LAMA2: variants seen among roughly 807,000 people sequenced by gnomAD.
LAMA2 encodes laminin subunit alpha 2.
LAMA2 carries 269 observed loss-of-function variants against 364.8 expected under a neutral mutation model. That is an observed-to-expected ratio of 0.74 (90% CI 0.67 to 0.82). The LOEUF (loss-of-function observed/expected upper bound fraction) is 0.82. Ranked by LOEUF, LAMA2 falls within the 40% of genes least tolerant of loss-of-function variation. The probability of loss-of-function intolerance (pLI) is 0.00; values close to 1 mark genes in which losing one functional copy is unlikely to be tolerated. For missense variants in LAMA2, 3,807 were observed against 3,873.2 expected, an observed-to-expected ratio of 0.98 and a Z score of 0.45; for synonymous variants, 1,379 against 1,370.6, an observed-to-expected ratio of 1.01 and a Z score of -0.14.
chr6:129,120,814 G>A (rs1396135861), intron 4 of LAMA2, among the ~76,000 whole-genome samples: 1 of 151,230 alleles, frequency 6.6e-6, no homozygotes, highest in Non-Finnish European at 1.5e-5. Flanking sequence ...CTCTGACATG[G>A]AACAAAGGCA....
Position 129,149,034 on chromosome 6 carries a change from G to A in LAMA2, c.965G>A (p.Cys322Tyr). The change falls in exon 7 of 65, where the codon TGT (cysteine) becomes TAT (tyrosine). Residue 322 changes from cysteine to tyrosine, a missense_variant. Around this residue, in one of 3 missense-constraint regions of LAMA2, gnomAD observed 80 missense variants for 124.0 expected, o/e 0.65. Coordinates refer to ENST00000421865, the MANE Select transcript of LAMA2 (RefSeq NM_000426.4). ...TGTGGCGATAGCTGTGATCAGTGCT[G>A]TCCAGGATTCCATCAGAAACCCTGG... ...NTCGDSCDQC[C>Y]PGFHQKPWRA... 6.2e-7 allele frequency: 1 copy of A among 1,613,468 alleles called. No individual in the cohort carries two copies. Among genetic ancestry groups the A allele is most frequent in the Non-Finnish European group, 8.5e-7 (1 of 1,179,504 alleles).
At chr6:129,021,175 A>G (rs184605556) in intron 1 of LAMA2, among the ~76,000 whole-genome samples, 44 of 152,294 alleles carry the variant, frequency 2.9e-4, no homozygotes, top group Non-Finnish European at 8.8e-5. Flanking sequence ...CTTTTGAGTC[A>G]CAGTTTATTT....
chr6:129,086,410 T>C (rs1236969518), intron 3 of LAMA2, among the ~76,000 whole-genome samples: 1 of 152,208 alleles, frequency 6.6e-6, no homozygotes, highest in African/African-American at 2.4e-5. Context: ...GCTAGCAACT[T>C]ATAACAGTTT....
At chr6:128,908,171 C>T (rs377089986) in intron 1 of LAMA2, among the ~76,000 whole-genome samples, 6 of 149,098 alleles carry the variant, frequency 4.0e-5, no homozygotes, top group Admixed American at 3.4e-4. Context: ...GGGAGGATTC[C>T]CTCTTTTTCT....
intron 8 of LAMA2, among the ~76,000 whole-genome samples, chr6:129,156,342 A>G (rs888846463): frequency 6.6e-6 from 1 of 151,962 alleles, no homozygotes; most frequent in African/African-American, 2.4e-5. Context: ...ATTTATTTCT[A>G]TCTTCTTTAT....
At chr6:129,173,858 T>C (rs970468337) in intron 9 of LAMA2, among the ~76,000 whole-genome samples, 1 of 152,176 alleles carries the variant, frequency 6.6e-6, no homozygotes, top group African/African-American at 2.4e-5. Flanking sequence ...GATGTATTTC[T>C]TCTCTGATTT....
chr6:129,177,725 TC>T lies in LAMA2; in HGVS notation c.1327del (p.His443IlefsTer9). 6.2e-7 allele frequency: 1 copy of T among 1,614,032 alleles called. No individual in the cohort carries two copies. Among genetic ancestry groups the T allele is most frequent in the Non-Finnish European group, 8.5e-7 (1 of 1,179,950 alleles). On this transcript the variant is annotated frameshift_variant, in exon 10 of 65. Transcript: ENST00000421865. LOFTEE classifies it high-confidence loss of function. ...ARRGLAPGSC[H>X]CKTGFGGVSC... is the part of the protein sequence containing the mutation. ...CTTTAGGTTTGGCACCTGGATCCTGTCATTGCAAAACTGGTTTTGGAGGTGT... is the reference window on the plus strand; with the variant it reads ...CTTTAGGTTTGGCACCTGGATCCTGTATTGCAAAACTGGTTTTGGAGGTGT...
At chr6:129,279,518 A>G (rs960457120) in intron 17 of LAMA2, among the ~76,000 whole-genome samples, 3 of 152,180 alleles carry the variant, frequency 2.0e-5, no homozygotes, top group Admixed American at 6.5e-5. Context: ...ATCTCTTCTG[A>G]AAGCTTTCCT....
intron 1 of LAMA2, among the ~76,000 whole-genome samples, chr6:129,044,114 C>T (rs190909221): frequency 2.0e-3 from 303 of 152,148 alleles, no homozygotes; most frequent in Non-Finnish European, 3.1e-3. Context: ...TCTAAGTATT[C>T]ATAGTCTTCC....
At chr6:128,904,556 G>A (rs973572735) in intron 1 of LAMA2, among the ~76,000 whole-genome samples, 19 of 150,790 alleles carry the variant, frequency 1.3e-4, no homozygotes, top group African/African-American at 4.4e-4. Flanking sequence ...CCGGGTTCAA[G>A]TGATTCTCCT....
chr6:129,080,746 G>C (rs915329688), intron 3 of LAMA2, among the ~76,000 whole-genome samples: 2 of 152,190 alleles, frequency 1.3e-5, no homozygotes, highest in African/African-American at 2.4e-5. Context: ...GGAAACAACA[G>C]GTGCTGGAGA....
At chr6:129,393,279 C>A in intron 37 of LAMA2, 24 bp downstream of exon 37, 1 of 1,569,296 alleles carries the variant, frequency 6.4e-7, no homozygotes, top group South Asian at 1.1e-5. Context: ...GCACTTTTAT[C>A]TTAATCTCAG....
chr6:129,297,738 T>A lies in LAMA2; in HGVS notation c.2910T>A (p.Asn970Lys), dbSNP rs1562430241. Residue 970 changes from asparagine to lysine, a missense_variant, in exon 21 of 65, where the codon AAT (asparagine) becomes AAA (lysine). Physicochemically the swap from Asn to Lys is moderately conservative, Grantham distance 94. This residue lies in a region of LAMA2 where 3,333 missense variants were observed against 3,345.7 expected (regional missense o/e 1.00). Coordinates refer to ENST00000421865, the MANE Select transcript of LAMA2 (RefSeq NM_000426.4). ...GGGGCTGTGTTCCCTGCAACTGCAA[T>A]TCTTTTGGGTCTAAGTCATTCGACT... ...SARGCVPCNC[N>K]SFGSKSFDCE... 1 of 1,614,142 alleles carries A rather than the reference T, an allele frequency of 6.2e-7. No homozygotes were observed. The highest frequency in any genetic ancestry group is 8.5e-7 in the Non-Finnish European group (1 of 1,179,992).
intron 4 of LAMA2, among the ~76,000 whole-genome samples, chr6:129,119,000 C>T (rs1055682172): frequency 4.6e-5 from 7 of 152,264 alleles, no homozygotes; most frequent in East Asian, 1.9e-4. Flanking sequence ...AATTGTATAA[C>T]GCAATTATAT....
chr6:129,219,655 T>C (rs895250964), intron 12 of LAMA2, among the ~76,000 whole-genome samples: 1 of 144,910 alleles, frequency 6.9e-6, no homozygotes, highest in African/African-American at 2.5e-5. Flanking sequence ...CCATAAAAAA[T>C]GATGAGTTCA....
In LAMA2 at chr6:128,974,969, G is replaced by A. The variant is rs542060923; in HGVS notation, c.113-74949G>A. Among the ~76,000 whole-genome samples, 24 of 150,734 alleles carry A rather than the reference G, an allele frequency of 1.6e-4. No homozygotes were observed. In the South Asian group the frequency reaches 1.9e-3, roughly 12 times the overall value. ...CGGGTTCACGCCATTCTCCTGCCTC[G>A]GCCTCCGGAGTAGCTGGGACTACAG... On this transcript the variant is annotated intron_variant, in intron 1 of 64. Coordinates refer to ENST00000421865, the MANE Select transcript of LAMA2 (RefSeq NM_000426.4).
chr6:129,513,207 T>C (rs533479253), intron 63 of LAMA2, among the ~76,000 whole-genome samples: 1 of 152,130 alleles, frequency 6.6e-6, no homozygotes, highest in African/African-American at 2.4e-5. Flanking sequence ...AGAAGAAAAA[T>C]CACACAGTGA....
intron 1 of LAMA2, among the ~76,000 whole-genome samples, chr6:128,940,954 C>G (rs1244752260): frequency 6.6e-6 from 1 of 151,792 alleles, no homozygotes; most frequent in Admixed American, 6.6e-5. Context: ...CTGTCCCCCC[C>G]AAAATTTTTT....
chr6:129,226,352 G>C (rs1221520431), intron 12 of LAMA2, among the ~76,000 whole-genome samples: 1 of 151,886 alleles, frequency 6.6e-6, no homozygotes, highest in Non-Finnish European at 1.5e-5. Flanking sequence ...TTAATATTAT[G>C]TGTGAATATG....
Sources: gnomAD v4.1 joint callset for allele counts (sites outside exome capture counted in the v4.1 genomes callset) on GRCh38, gnomAD v4.1.1 for gene constraint, gnomAD v4.1.1 regional missense constraint, MANE v1.5 for transcripts, NCBI Gene and HGNC (gene_info 2026-07-23, HGNC 2026-07-21) for gene names.